MVP: variants seen among roughly 807,000 people sequenced by gnomAD.
MVP encodes lung resistance-related protein.
A neutral mutation model predicts 83.5 loss-of-function variants in MVP; 62 were observed. The observed-to-expected ratio is 0.74, with a 90% CI of 0.61 to 0.92. The LOEUF is 0.92. Among genes scored for constraint, MVP ranks in the 40% least tolerant of loss-of-function variants. The pLI is 0.00. For synonymous variants in MVP, 505 were observed against 504.1 expected, an observed-to-expected ratio of 1.00 and a Z score of -0.02; for missense variants, 1,000 against 1,203.4, an observed-to-expected ratio of 0.83 and a Z score of 2.50.
chr16:29,830,281 C>T (rs927160108), intron 1 of MVP: 133 of 345,254 alleles, frequency 3.9e-4, no homozygotes, highest in Middle Eastern at 9.3e-4. Flanking sequence ...CCCTGGGCCT[C>T]TGTGGCTCAC....
At position 29,833,849 on chromosome 16, in the gene MVP, G is replaced by A; in HGVS notation, c.438G>A (p.Glu146=). Reference sequence around the variant, plus strand: ...TGGCAGGAGATGAGTGGCTTTTCGAGGGACCTGGTAAGTTCTGTCTCCATA... The same window carrying A: ...TGGCAGGAGATGAGTGGCTTTTCGAAGGACCTGGTAAGTTCTGTCTCCATA... ...KVVAGDEWLF[E]GPGTYIPRKE... is the part of the protein sequence containing the mutation. The change falls in exon 4 of 15, where the codon GAG becomes GAA. Residue 146 remains glutamate (E), a synonymous_variant. Coordinates refer to ENST00000357402, the MANE Select transcript of MVP (RefSeq NM_005115.5). 1.2e-6 allele frequency: 2 copies of A among 1,614,066 alleles called. No individual in the cohort carries two copies. Among genetic ancestry groups the A allele is most frequent in the Admixed American group, 1.7e-5 (1 of 60,004 alleles).
In MVP at chr16:29,836,847, G is replaced by A. The variant is rs2067491678; in HGVS notation, c.798G>A (p.Glu266=). 3 of 1,613,864 alleles carry A rather than the reference G, an allele frequency of 1.9e-6. No individual in the cohort carries two copies. Among genetic ancestry groups the A allele is most frequent in the Admixed American group, 3.3e-5 (2 of 59,978 alleles). Residue 266 remains glutamate, a synonymous_variant, in exon 7 of 15, where the codon GAG becomes GAA. Transcript: ENST00000357402. ...TEAHVPDVHE[E]VLGVVPITTL... is the part of the protein sequence containing the mutation. ...CCCACGTGCCAGATGTCCACGAGGA[G>A]GTGCTGGGGGTTGTGCCCATCACCA...
intron 8 of MVP, among the ~76,000 whole-genome samples, chr16:29,840,824 C>T (rs1439272459): frequency 6.6e-6 from 1 of 151,970 alleles, no homozygotes; most frequent in African/African-American, 2.4e-5. Flanking sequence ...TGAGTAGTCC[C>T]AGATACTTGG....
At chr16:29,833,321 G>C in intron 3 of MVP, 1 of 168,934 alleles carries the variant, frequency 5.9e-6, no homozygotes, top group South Asian at 1.3e-4. Flanking sequence ...TCCTGAGACA[G>C]GGTCTTGCTC....
chr16:29,842,216 A>G, intron 10 of MVP, 104 bp downstream of exon 10: 3 of 1,146,222 alleles, frequency 2.6e-6, no homozygotes, highest in Non-Finnish European at 3.7e-6. Context: ...GGCTGCAGTG[A>G]GCCTTGATGG....
In MVP at chr16:29,846,106, T is replaced by G. The variant is rs923821021; in HGVS notation, c.2139-52T>G. 2.5e-6 allele frequency: 4 copies of G among 1,600,312 alleles called. No homozygotes were observed. The African/African-American group carries it at 5.4e-5, about 21-fold the overall frequency. On this transcript the variant is annotated intron_variant, in intron 12 of 14. Transcript: ENST00000357402. ...ACGGCTACAGCATAAGCCAAGGCCG[T>G]GGGGGGACTGGGCTGTCTCCCGGGT...
chr16:29,836,296 C>T (rs1003977508), intron 6 of MVP, among the ~76,000 whole-genome samples: 19 of 149,536 alleles, frequency 1.3e-4, no homozygotes, highest in Admixed American at 8.0e-4. Context: ...CAAAGCCGGT[C>T]GGGTGCAGTG....
intron 10 of MVP, among the ~76,000 whole-genome samples, chr16:29,842,687 A>G (rs557764138): frequency 6.3e-4 from 96 of 152,310 alleles, no homozygotes; most frequent in African/African-American, 2.3e-3. Context: ...AGGAACCCCA[A>G]GAAAAGGAGG....
chr16:29,843,356 A>G (rs539353356), intron 10 of MVP, among the ~76,000 whole-genome samples: 1 of 151,004 alleles, frequency 6.6e-6, no homozygotes. Flanking sequence ...CTAGCTGGGC[A>G]TGGTGGTACA....
chr16:29,823,407 G>T (rs530622393), intron 1 of MVP, among the ~76,000 whole-genome samples: 1 of 152,174 alleles, frequency 6.6e-6, no homozygotes, highest in South Asian at 2.1e-4. Context: ...GGGATTACAG[G>T]TGGGAGCCAC....
At chr16:29,837,781 C>T (rs562398551) in intron 7 of MVP, among the ~76,000 whole-genome samples, 5 of 152,022 alleles carry the variant, frequency 3.3e-5, no homozygotes, top group Non-Finnish European at 5.9e-5. Context: ...TATAATCTTA[C>T]GGGACCACCA....
At chr16:29,830,301 C>A in intron 1 of MVP, 1 of 404,662 alleles carries the variant, frequency 2.5e-6, no homozygotes, top group Non-Finnish European at 4.6e-6. Context: ...CTGCATCAAG[C>A]AGTTCTTGGC....
At position 29,847,247 on chromosome 16, in the gene MVP, T is replaced by C. The variant is rs1245211718; in HGVS notation, c.2316T>C (p.Tyr772=). 1.2e-6 allele frequency: 2 copies of C among 1,613,596 alleles called. No individual in the cohort carries two copies. Among genetic ancestry groups the C allele is most frequent in the Non-Finnish European group, 1.7e-6 (2 of 1,179,990 alleles). Residue 772 remains tyrosine, a synonymous_variant, in exon 14 of 15, where the codon TAT becomes TAC. Coordinates refer to ENST00000357402, the MANE Select transcript of MVP (RefSeq NM_005115.5). ...AGGTCCGAGAGCTGGAACTGGTCTATGCCCGGGCCCAGCTGGAGCTGGAGG... is the reference window on the plus strand; with the variant it reads ...AGGTCCGAGAGCTGGAACTGGTCTACGCCCGGGCCCAGCTGGAGCTGGAGG... The part of the protein sequence containing the change: ...VQKVRELELV[Y]ARAQLELEVS...
At chr16:29,827,742 T>C (rs752792368) in intron 1 of MVP, among the ~76,000 whole-genome samples, 32 of 152,076 alleles carry the variant, frequency 2.1e-4, no homozygotes, top group Admixed American at 6.6e-4. Context: ...AGCAGGACCT[T>C]GTCTCTGCAA....
chr16:29,821,953 C>T (rs1022727597), intron 1 of MVP, among the ~76,000 whole-genome samples: 26 of 152,216 alleles, frequency 1.7e-4, no homozygotes, highest in African/African-American at 5.8e-4. Context: ...GGGCTGGATG[C>T]GGTGGCTCAG....
At chr16:29,842,215 G>A in intron 10 of MVP, 103 bp downstream of exon 10, 1 of 1,141,624 alleles carries the variant, frequency 8.8e-7, no homozygotes, top group South Asian at 1.4e-5. Context: ...AGGCTGCAGT[G>A]AGCCTTGATG....
Position 29,847,516 on chromosome 16 carries a change from G to A in MVP, c.2454+131G>A, listed in dbSNP as rs187357401. On this transcript the variant is annotated intron_variant, in intron 14 of 14. Transcript: ENST00000357402. Reference sequence around the variant, plus strand: ...GGTGAGTGACCTGACCCACGATGCAGGGACATTCACACAGTGTCACGCTGC... The same window carrying A: ...GGTGAGTGACCTGACCCACGATGCAAGGACATTCACACAGTGTCACGCTGC... 1.3e-5 allele frequency: 12 copies of A among 954,254 alleles called. No homozygotes were observed. The South Asian group carries it at 1.3e-4, about 10-fold the overall frequency. 59.1% of individuals were successfully genotyped at this position (954,254 alleles called of 1,614,324 possible). A position where few individuals can be genotyped will look rare whatever the true frequency, so the allele number is the denominator to read the frequency against.
chr16:29,846,317 C>A (rs200011637), intron 13 of MVP, 33 bp downstream of exon 13: 14 of 1,535,732 alleles, frequency 9.1e-6, no homozygotes, highest in Non-Finnish European at 1.2e-5. Flanking sequence ...AAGAGGGTGG[C>A]CTTGAGTCCT....
chr16:29,843,878 C>T (rs1441516332), intron 10 of MVP, among the ~76,000 whole-genome samples: 6 of 152,094 alleles, frequency 3.9e-5, no homozygotes, highest in Non-Finnish European at 7.4e-5. Context: ...CCAGCCTGGG[C>T]GACGGAGCAA....
Sources: gnomAD v4.1 joint callset for allele counts (sites outside exome capture counted in the v4.1 genomes callset) on GRCh38, gnomAD v4.1.1 for gene constraint, MANE v1.5 for transcripts, NCBI Gene and HGNC (gene_info 2026-07-23, HGNC 2026-07-21) for gene names.